The following NVL variants were observed in gnomAD, a reference collection of about 807,000 sequenced individuals.
NVL encodes nuclear valosin-containing protein-like.
A neutral mutation model predicts 110.2 loss-of-function variants in NVL; 84 were observed. The observed-to-expected ratio is 0.76, with a 90% CI of 0.64 to 0.91. The LOEUF (loss-of-function observed/expected upper bound fraction) is 0.91, where lower values mean the gene tolerates loss of function less well. Among genes scored for constraint, NVL ranks in the 40% least tolerant of loss-of-function variants. The pLI is 0.00. For missense variants in NVL, 882 were observed against 1,035.9 expected, an observed-to-expected ratio of 0.85 and a Z score of 2.04; for synonymous variants, 354 against 361.1, an observed-to-expected ratio of 0.98 and a Z score of 0.22.
intron 19 of NVL, among the ~76,000 whole-genome samples, chr1:224,246,307 G>A (rs572739108): frequency 1.3e-5 from 2 of 152,324 alleles, no homozygotes; most frequent in South Asian, 4.1e-4. Context: ...TGGGATTATA[G>A]GCATGAACCA....
chr1:224,276,539 A>G (rs527823422), intron 16 of NVL, among the ~76,000 whole-genome samples: 1 of 152,278 alleles, frequency 6.6e-6, no homozygotes, highest in East Asian at 1.9e-4. Flanking sequence ...CCCCCGGCCT[A>G]CAGTGCCAAC....
chr1:224,231,659 A>G (rs1359797025), intron 21 of NVL, among the ~76,000 whole-genome samples: 1 of 152,214 alleles, frequency 6.6e-6, no homozygotes, highest in African/African-American at 2.4e-5. Context: ...AGAGTATGCA[A>G]CACACAATGA....
In NVL at chr1:224,294,411, T is replaced by C; in HGVS notation, c.1181A>G (p.Asp394Gly). Reference protein sequence around the residue: ...IVAQLLTCMDDLNNVAATARV... With the variant: ...IVAQLLTCMDGLNNVAATARV... ...GGCTGTAGCAGCCACATTATTCAGA[T>C]CTAGTAAGAGACAGAGAAAGAGTAG... Residue 394 changes from aspartate to glycine, a missense_variant and splice_region_variant, in exon 12 of 23, where the codon GAT becomes GGT. Physicochemically the swap from Asp to Gly is moderately conservative, Grantham distance 94 (BLOSUM62 -1). Coordinates refer to ENST00000281701, the MANE Select transcript of NVL (RefSeq NM_002533.4). The C allele has an allele frequency of 1.2e-6, 2 of 1,613,916 alleles. No individual in the cohort carries two copies. The highest frequency in any genetic ancestry group is 1.7e-6 in the Non-Finnish European group (2 of 1,179,972).
Position 224,236,521 on chromosome 1 carries a change from CGAA to C in NVL, c.2348_2350del (p.Leu783del). The C allele has an allele frequency of 6.2e-7, 1 of 1,613,402 alleles. No homozygotes were observed. Among genetic ancestry groups the C allele is most frequent in the Non-Finnish European group, 8.5e-7 (1 of 1,179,364 alleles). On this transcript the variant is annotated inframe_deletion, in exon 20 of 23. Coordinates refer to ENST00000281701, the MANE Select transcript of NVL (RefSeq NM_002533.4). ...AAACACTTACGTATAGCAATCACAG[CGAA>C]GGTCACCAGCAATTGCTTCCAAATT...
At chr1:224,264,546 T>C (rs973618146) in intron 18 of NVL, among the ~76,000 whole-genome samples, 2 of 151,996 alleles carry the variant, frequency 1.3e-5, no homozygotes, top group Non-Finnish European at 2.9e-5. Context: ...CAGCCACAAA[T>C]GGTGATTTTA....
At chr1:224,260,082 A>T (rs1051935306) in intron 18 of NVL, among the ~76,000 whole-genome samples, 17 of 152,206 alleles carry the variant, frequency 1.1e-4, no homozygotes, top group Admixed American at 2.0e-4. Context: ...AAAGGGCAAA[A>T]CATACAGGGT....
intron 14 of NVL, 49 bp from the exon 15 acceptor site, chr1:224,286,179 T>C (rs770357132): frequency 7.7e-7 from 1 of 1,299,214 alleles, no homozygotes; most frequent in South Asian, 1.2e-5. Context: ...CATTTTATAC[T>C]GCAGGTTCAA....
At chr1:224,318,466 G>T (rs934468755) in intron 2 of NVL, among the ~76,000 whole-genome samples, 3 of 152,104 alleles carry the variant, frequency 2.0e-5, no homozygotes, top group African/African-American at 7.2e-5. Flanking sequence ...GCCAGGTATG[G>T]TAGTACGTGG....
chr1:224,238,162 T>C (rs1660731401), intron 19 of NVL, among the ~76,000 whole-genome samples: 1 of 136,562 alleles, frequency 7.3e-6, no homozygotes, highest in Non-Finnish European at 1.6e-5. Flanking sequence ...GCCTCTTGGG[T>C]AGCTGGGACT....
intron 12 of NVL, among the ~76,000 whole-genome samples, chr1:224,290,127 C>T (rs966018507): frequency 2.0e-5 from 3 of 152,162 alleles, no homozygotes; most frequent in Non-Finnish European, 4.4e-5. Flanking sequence ...TAATTATCTT[C>T]ATCATTGAAA....
At chr1:224,298,018 CAGAGAGA>C in intron 10 of NVL, among the ~76,000 whole-genome samples, 2 of 131,962 alleles carry the variant, frequency 1.5e-5, no homozygotes, top group East Asian at 4.3e-4. Context: ...GCCTGGACAA[CAGAGAGA>C]TACTCCATCT....
intron 13 of NVL, among the ~76,000 whole-genome samples, chr1:224,288,447 T>C (rs1667073405): frequency 6.6e-6 from 1 of 152,088 alleles, no homozygotes. Flanking sequence ...CCTATTACTA[T>C]CAAATCTTAA....
intron 18 of NVL, among the ~76,000 whole-genome samples, chr1:224,262,121 G>A (rs1664053133): frequency 1.3e-5 from 2 of 151,952 alleles, no homozygotes; most frequent in Admixed American, 1.3e-4. Flanking sequence ...TGAAAAATAA[G>A]AAAAAAGAGG....
At chr1:224,231,096 G>A in intron 22 of NVL, 130 bp downstream of exon 22, 1 of 611,718 alleles carries the variant, frequency 1.6e-6, no homozygotes, top group Non-Finnish European at 2.9e-6. Flanking sequence ...TCGCACCACT[G>A]CACTCCAGCA....
chr1:224,259,471 C>T (rs747907528), intron 18 of NVL, among the ~76,000 whole-genome samples: 27 of 152,128 alleles, frequency 1.8e-4, no homozygotes, highest in Non-Finnish European at 3.4e-4. Flanking sequence ...GAATGATATA[C>T]TTAAAATGGG....
intron 2 of NVL, among the ~76,000 whole-genome samples, chr1:224,318,768 G>A (rs1249356639): frequency 6.6e-6 from 1 of 151,738 alleles, no homozygotes; most frequent in African/African-American, 2.4e-5. Flanking sequence ...AGGATCATGA[G>A]GTCAGGAGAT....
Position 224,233,252 on chromosome 1 carries a change from T to C in NVL, c.2404A>G (p.Ile802Val), listed in dbSNP as rs562758967. The C allele has an allele frequency of 3.1e-6, 5 of 1,613,164 alleles. No individual in the cohort carries two copies. Among genetic ancestry groups the C allele is most frequent in the African/African-American group, 1.3e-5 (1 of 75,028 alleles). ...DLSALVREAS[I>V]CALRQEMARQ... ...GCCATTTCCTGTCTCAGGGCACAGATAGAAGCTTCTCGTACCAAAGCAGAG... is the reference window on the plus strand; with the variant it reads ...GCCATTTCCTGTCTCAGGGCACAGACAGAAGCTTCTCGTACCAAAGCAGAG... Residue 802 changes from isoleucine (I) to valine (V), a missense_variant, in exon 21 of 23, where the codon ATC becomes GTC. Around this residue, in one of 4 missense-constraint regions of NVL, gnomAD observed 126 missense variants for 140.7 expected, o/e 0.90. Coordinates refer to ENST00000281701, the MANE Select transcript of NVL (RefSeq NM_002533.4).
At position 224,301,798 on chromosome 1, in the gene NVL, CAAAAAA is replaced by C. The variant is rs61084002; in HGVS notation, c.961-1141_961-1136del. The C allele has an allele frequency of 7.9e-5, 6 of 75,906 alleles. No individual in the cohort carries two copies. In the South Asian group the frequency reaches 1.5e-3, roughly 19 times the overall value. The allele number at this position is 75,906 out of a possible 1,614,324, so 4.7% of individuals were successfully genotyped here. A position where few individuals can be genotyped will look rare whatever the true frequency, so the allele number is the denominator to read the frequency against. ...TGGGCAACAGAGAGAAAATCTGTTT[CAAAAAA>C]AAAAAAAAAAAAAAAAAGAGAGAAG... is the stretch of plus-strand genomic sequence containing the variant. On this transcript the variant is annotated intron_variant, in intron 9 of 22. Coordinates refer to ENST00000281701, the MANE Select transcript of NVL (RefSeq NM_002533.4).
At chr1:224,260,617 AG>A (rs1369160489) in intron 18 of NVL, among the ~76,000 whole-genome samples, 9 of 152,230 alleles carry the variant, frequency 5.9e-5, no homozygotes, top group Non-Finnish European at 1.3e-4. Flanking sequence ...CCTATCTCTC[AG>A]ATATAAAAGT....
Sources: allele counts gnomAD v4.1 joint callset (sites outside exome capture counted in the v4.1 genomes callset), GRCh38; gene constraint gnomAD v4.1.1; regional missense constraint gnomAD v4.1.1; transcripts MANE v1.5; gene names NCBI Gene and HGNC (gene_info 2026-07-23, HGNC 2026-07-21).